ZBTB16: variants seen among roughly 807,000 people sequenced by gnomAD.
The protein encoded by ZBTB16 is zinc finger and BTB domain-containing protein 16.
A neutral mutation model predicts 56.8 loss-of-function variants in ZBTB16; 8 were observed. That is an observed-to-expected ratio of 0.14 (90% CI 0.08 to 0.25). ZBTB16 has a LOEUF of 0.25. ZBTB16 is among the 10% of genes least tolerant of loss of function. ZBTB16 has a pLI of 1.00. For missense variants in ZBTB16, 625 were observed against 903.0 expected, an observed-to-expected ratio of 0.69 and a Z score of 3.95; for synonymous variants, 363 against 368.5, an observed-to-expected ratio of 0.98 and a Z score of 0.17.
At chr11:114,120,387 C>G (rs914166026) in intron 2 of ZBTB16, among the ~76,000 whole-genome samples, 1 of 152,196 alleles carries the variant, frequency 6.6e-6, no homozygotes, top group African/African-American at 2.4e-5. Flanking sequence ...TTCCACCAGA[C>G]TTCCCCTGGC....
intron 2 of ZBTB16, among the ~76,000 whole-genome samples, chr11:114,109,186 T>A (rs1330019842): frequency 6.6e-6 from 1 of 152,224 alleles, no homozygotes; most frequent in East Asian, 1.9e-4. Context: ...CTTTGGCCTT[T>A]CAGTAGCTCT....
intron 4 of ZBTB16, among the ~76,000 whole-genome samples, chr11:114,190,183 C>T (rs1406477599): frequency 1.3e-5 from 2 of 152,066 alleles, no homozygotes. Context: ...GAGCGACTGC[C>T]GATGGAGCTG....
At chr11:114,167,217 T>TG (rs1942784344) in intron 3 of ZBTB16, among the ~76,000 whole-genome samples, 1 of 38,640 alleles carries the variant, frequency 2.6e-5, no homozygotes, top group Non-Finnish European at 4.4e-5. Flanking sequence ...GGATTTGTGG[T>TG]TTTTTTTTTT....
intron 2 of ZBTB16, among the ~76,000 whole-genome samples, chr11:114,146,210 A>G (rs1437358903): frequency 6.6e-6 from 1 of 151,640 alleles, no homozygotes; most frequent in Non-Finnish European, 1.5e-5. Context: ...CCATCATTCA[A>G]TTTACTTTTT....
chr11:114,194,216 A>G (rs148720674), intron 4 of ZBTB16, among the ~76,000 whole-genome samples: 1 of 152,248 alleles, frequency 6.6e-6, no homozygotes, highest in East Asian at 1.9e-4. Flanking sequence ...GTGGGAGTTC[A>G]TGGAGCTCAC....
At chr11:114,122,130 A>G (rs1460912265) in intron 2 of ZBTB16, among the ~76,000 whole-genome samples, 1 of 152,226 alleles carries the variant, frequency 6.6e-6, no homozygotes, top group African/African-American at 2.4e-5. Context: ...ACGGCCTTTT[A>G]TTCTTCACTT....
At chr11:114,209,445 T>C (rs929401074) in intron 4 of ZBTB16, 71 of 985,268 alleles carry the variant, frequency 7.2e-5, no homozygotes, top group East Asian at 1.1e-4. Flanking sequence ...GTGCCTGGAT[T>C]CAGAGCCTTC....
intron 2 of ZBTB16, among the ~76,000 whole-genome samples, chr11:114,124,208 T>G (rs1941425214): frequency 6.6e-6 from 1 of 151,776 alleles, no homozygotes. Flanking sequence ...GGGGTCAGGG[T>G]AACTTATGGA....
At chr11:114,238,623 CAG>C (rs1455398569) in intron 4 of ZBTB16, among the ~76,000 whole-genome samples, 1 of 152,140 alleles carries the variant, frequency 6.6e-6, no homozygotes, top group African/African-American at 2.4e-5. Context: ...AAAAAGGAAT[CAG>C]AGGGGGACCC....
Position 114,059,891 on chromosome 11 carries a change from G to T in ZBTB16, c.-91+9G>T. ...TGCCCGGCTCGGCTGCGGTGAGTGAGGGGCCGGGAAGAGGCGCACCGCCCA... is the reference window on the plus strand; with the variant it reads ...TGCCCGGCTCGGCTGCGGTGAGTGATGGGCCGGGAAGAGGCGCACCGCCCA... On this transcript the variant is annotated intron_variant, in intron 1 of 6. Transcript: ENST00000335953. The surrounding 1 kb of genome is among the most constrained non-coding windows in gnomAD (Gnocchi z 5.3). The T allele has an allele frequency of 2.5e-6, 1 of 397,564 alleles. No homozygotes were observed. Among genetic ancestry groups the T allele is most frequent in the South Asian group, 1.3e-4 (1 of 7,762 alleles). The allele number at this position is 397,564 out of a possible 1,614,324, so 24.6% of individuals were successfully genotyped here.
chr11:114,100,810 A>C (rs1940579206), intron 2 of ZBTB16, among the ~76,000 whole-genome samples: 1 of 152,226 alleles, frequency 6.6e-6, no homozygotes, highest in South Asian at 2.1e-4. Flanking sequence ...CCAGACAGTG[A>C]CTATCAGAAT....
chr11:114,087,454 C>T (rs753991896), intron 2 of ZBTB16, among the ~76,000 whole-genome samples: 27 of 152,194 alleles, frequency 1.8e-4, no homozygotes, highest in Non-Finnish European at 1.6e-4. Context: ...CCTCTCGAAT[C>T]GTCTCCTGTG....
intron 2 of ZBTB16, among the ~76,000 whole-genome samples, chr11:114,104,935 A>G (rs1940735566): frequency 6.6e-6 from 1 of 152,124 alleles, no homozygotes; most frequent in Non-Finnish European, 1.5e-5. Context: ...GGAGTGTGTC[A>G]TTGCTGTTGT....
chr11:114,068,839 C>T (rs1421867750), intron 2 of ZBTB16, among the ~76,000 whole-genome samples: 4 of 152,222 alleles, frequency 2.6e-5, no homozygotes, highest in South Asian at 2.1e-4. Context: ...AGCACCTGAT[C>T]ATTCTCAGAG....
Position 114,063,259 on chromosome 11 carries a change from C to T in ZBTB16, c.-42C>T, listed in dbSNP as rs1257262195. On this transcript the variant is annotated 5_prime_UTR_variant, in exon 2 of 7. Coordinates refer to ENST00000335953, the MANE Select transcript of ZBTB16 (RefSeq NM_006006.6). This position sits in a 1 kb window ranked among gnomAD's most constrained non-coding sequence, Gnocchi z 6.5. ...CCACCCAGCCCCGCCACGCAGAGCCCAGAAGGAAAGAAAGCCTCATGCCTG... is the reference window on the plus strand; with the variant it reads ...CCACCCAGCCCCGCCACGCAGAGCCTAGAAGGAAAGAAAGCCTCATGCCTG... 1.9e-6 allele frequency: 3 copies of T among 1,609,526 alleles called. No homozygotes were observed. The Admixed American group carries it at 5.0e-5, about 27-fold the overall frequency.
intron 2 of ZBTB16, among the ~76,000 whole-genome samples, chr11:114,066,855 C>T (rs1156688534): frequency 6.7e-6 from 1 of 148,334 alleles, no homozygotes; most frequent in African/African-American, 2.5e-5. Flanking sequence ...ACTGCAGTCT[C>T]CACCTCCCGG....
At chr11:114,081,865 A>G (rs1273928722) in intron 2 of ZBTB16, among the ~76,000 whole-genome samples, 1 of 152,138 alleles carries the variant, frequency 6.6e-6, no homozygotes, top group African/African-American at 2.4e-5. Context: ...GGTGCTATAA[A>G]TGCGTGGAGA....
At chr11:114,197,461 C>G (rs624452) in intron 4 of ZBTB16, among the ~76,000 whole-genome samples, 58,989 of 151,982 alleles carry the variant, frequency 0.39, 11,868 homozygotes, top group African/African-American at 0.5. Flanking sequence ...CTTTGTCTCT[C>G]TCTCTCTCTT....
At chr11:114,243,222 T>C (rs1944748697) in intron 5 of ZBTB16, among the ~76,000 whole-genome samples, 1 of 152,194 alleles carries the variant, frequency 6.6e-6, no homozygotes, top group South Asian at 2.1e-4. Flanking sequence ...GTGCTGTGTT[T>C]GTAGGGAGGG....
Sources: allele counts gnomAD v4.1 joint callset (sites outside exome capture counted in the v4.1 genomes callset), GRCh38; gene constraint gnomAD v4.1.1; non-coding constraint Gnocchi (gnomAD v3.1); transcripts MANE v1.5; gene names NCBI Gene and HGNC (gene_info 2026-07-23, HGNC 2026-07-21).